Variants in MECOM observed in about 807,000 individuals in gnomAD.
The protein encoded by MECOM is histone-lysine N-methyltransferase MECOM.
In MECOM, 13 loss-of-function variants were observed where a neutral mutation model predicts 116.3. The ratio of observed to expected loss-of-function variants is 0.11; its 90% CI spans 0.07 to 0.18. MECOM has a LOEUF of 0.18. Among genes scored for constraint, MECOM ranks in the 10% least tolerant of loss-of-function variants. MECOM has a pLI of 1.00. For synonymous variants in MECOM, 528 were observed against 535.2 expected (o/e 0.99, Z 0.19); for missense variants, 1,299 against 1,509.0 (o/e 0.86, Z 2.31).
rs1415631608 is a variant in MECOM, at chr3:169,180,793, T to TTATATATATATATATATATATATA, written c.376-36962_376-36961insTATATATATATATATATATATATA. 1.2e-3 allele frequency among the ~76,000 whole-genome samples: 82 copies of TTATATATATATATATATATATATA among 71,150 alleles called. 7 individuals are homozygous for TTATATATATATATATATATATATA. Among genetic ancestry groups the TTATATATATATATATATATATATA allele is most frequent in the Middle Eastern group, 5.7e-3 (1 of 176 alleles). The allele number at this position is 71,150 out of a possible 152,430, so 46.7% of individuals were successfully genotyped here. A position where few individuals can be genotyped will look rare whatever the true frequency, so the allele number is the denominator to read the frequency against. On this transcript the variant is annotated intron_variant, in intron 2 of 16. Transcript: ENST00000651503. The stretch of plus-strand genomic sequence containing the variant: ...TTATGTATGTGTGTGTGTGTGGAGA[T>TTATATATATATATATATATATATA]GATATATATATATATATATATCAGG...
intron 1 of MECOM, among the ~76,000 whole-genome samples, chr3:169,451,504 G>GT (rs1190029437): frequency 2.0e-5 from 3 of 152,136 alleles, no homozygotes; most frequent in African/African-American, 7.2e-5. Flanking sequence ...ATGTTTACCT[G>GT]TTTGTTTAAC....
At chr3:169,145,613 G>C (rs910629695) in intron 2 of MECOM, 5 of 224,598 alleles carry the variant, frequency 2.2e-5, no homozygotes, top group African/African-American at 1.1e-4. Flanking sequence ...ATAGAATAAA[G>C]CCAGTGAAAT....
At chr3:169,608,412 A>G (rs1768848806) in intron 1 of MECOM, among the ~76,000 whole-genome samples, 1 of 152,176 alleles carries the variant, frequency 6.6e-6, no homozygotes, top group Non-Finnish European at 1.5e-5. Flanking sequence ...ATCTCGAGTC[A>G]GTAGGTTGGT....
At chr3:169,153,009 T>C (rs1050886278) in intron 2 of MECOM, among the ~76,000 whole-genome samples, 2 of 152,230 alleles carry the variant, frequency 1.3e-5, no homozygotes, top group African/African-American at 2.4e-5. Context: ...TTTTATTTTT[T>C]AAACTCCAGT....
chr3:169,221,875 C>G (rs1752179784), intron 2 of MECOM, among the ~76,000 whole-genome samples: 1 of 152,094 alleles, frequency 6.6e-6, no homozygotes, highest in South Asian at 2.1e-4. Flanking sequence ...CAGACTTCAG[C>G]TCTGTCACCA....
intron 9 of MECOM, among the ~76,000 whole-genome samples, chr3:169,109,015 T>C (rs1313136896): frequency 6.6e-6 from 1 of 152,172 alleles, no homozygotes; most frequent in Non-Finnish European, 1.5e-5. Flanking sequence ...AACCAAGGAA[T>C]AATAGCCACT....
chr3:169,104,876 AAACCATC>A (rs1724831596), intron 10 of MECOM, among the ~76,000 whole-genome samples: 1 of 152,228 alleles, frequency 6.6e-6, no homozygotes, highest in Non-Finnish European at 1.5e-5. Context: ...CGATTTGGGA[AAACCATC>A]AAGAAACAAG....
rs145240161 is a variant in MECOM, at chr3:169,528,098, C to G, written c.37+135238G>C. On this transcript the variant is annotated intron_variant, in intron 1 of 16. Transcript: ENST00000651503. ...AGACTTCCTCCTTTCGAGCAGTGGT[C>G]TATTTTCTGAGCCAAACCCCTTCAG... Among the ~76,000 whole-genome samples the G allele has an allele frequency of 5.4e-3, 830 of 152,296 alleles. 2 individuals are homozygous for G. The highest frequency in any genetic ancestry group is 9.2e-3 in the Non-Finnish European group (628 of 68,032).
intron 2 of MECOM, among the ~76,000 whole-genome samples, chr3:169,263,123 A>ACG (rs1757794247): frequency 5.1e-5 from 1 of 19,646 alleles, no homozygotes; most frequent in African/African-American, 2.4e-4. Flanking sequence ...ATATATATAT[A>ACG]TATATGTTTT....
intron 2 of MECOM, among the ~76,000 whole-genome samples, chr3:169,296,056 G>C (rs570898140): frequency 6.6e-6 from 1 of 152,282 alleles, no homozygotes; most frequent in East Asian, 1.9e-4. Flanking sequence ...CTCAAGAATA[G>C]GTTCCAGTAA....
chr3:169,276,362 G>A (rs1577556614), intron 2 of MECOM, among the ~76,000 whole-genome samples: 1 of 151,970 alleles, frequency 6.6e-6, no homozygotes, highest in East Asian at 1.9e-4. Context: ...GATCAGCCTG[G>A]CCAGAATGGT....
At chr3:169,270,554 G>C (rs576759710) in intron 2 of MECOM, among the ~76,000 whole-genome samples, 2 of 151,990 alleles carry the variant, frequency 1.3e-5, no homozygotes, top group African/African-American at 4.8e-5. Flanking sequence ...CTTTCAGAAA[G>C]CAAGAACAGA....
At chr3:169,630,397 A>C (rs1301828126) in intron 1 of MECOM, among the ~76,000 whole-genome samples, 1 of 151,202 alleles carries the variant, frequency 6.6e-6, no homozygotes, top group African/African-American at 2.4e-5. Flanking sequence ...TAATCCTCAC[A>C]AGTTATGGGG....
chr3:169,162,407 T>C (rs1742981200), intron 2 of MECOM, among the ~76,000 whole-genome samples: 1 of 152,110 alleles, frequency 6.6e-6, no homozygotes, highest in Non-Finnish European at 1.5e-5. Flanking sequence ...CTGTACGTCA[T>C]TAAGTACTAA....
At position 169,102,094 on chromosome 3, in the gene MECOM, G is replaced by A. The variant is rs1723753567; in HGVS notation, c.2737C>T (p.Leu913Phe). Residue 913 changes from leucine to phenylalanine, a missense_variant, in exon 11 of 17, where the codon CTT (leucine) becomes TTT (phenylalanine). By Grantham distance (22) the Leu-to-Phe change is conservative. Transcript: ENST00000651503. ...TAGCGCTCCTTTCCCTTCCGCAGAA[G>A]GTTCTCTGGCAGGGCATTGGGAGGC... Reference protein sequence around the residue: ...RAPPNALPENLLRKGKERYTC... With the variant: ...RAPPNALPENFLRKGKERYTC... The A allele has an allele frequency of 1.2e-6, 2 of 1,613,500 alleles. No individual in the cohort carries two copies. The highest frequency in any genetic ancestry group is 2.2e-5 in the East Asian group (1 of 44,882).
chr3:169,253,645 T>A (rs972158721), intron 2 of MECOM, among the ~76,000 whole-genome samples: 3 of 152,148 alleles, frequency 2.0e-5, no homozygotes, highest in Non-Finnish European at 4.4e-5. Flanking sequence ...CTATATATAC[T>A]TCATATGATT....
chr3:169,502,743 T>C (rs1754685415), intron 1 of MECOM, among the ~76,000 whole-genome samples: 2 of 152,146 alleles, frequency 1.3e-5, no homozygotes, highest in Non-Finnish European at 2.9e-5. Flanking sequence ...TAATTTGTCC[T>C]CAGGAAGAAA....
At chr3:169,353,813 T>C (rs1274541714) in intron 2 of MECOM, among the ~76,000 whole-genome samples, 1 of 151,922 alleles carries the variant, frequency 6.6e-6, no homozygotes, top group Non-Finnish European at 1.5e-5. Flanking sequence ...TGACATGTTG[T>C]GAAGCTAGTT....
chr3:169,624,182 T>G (rs1270395379), intron 1 of MECOM, among the ~76,000 whole-genome samples: 1 of 152,192 alleles, frequency 6.6e-6, no homozygotes, highest in Non-Finnish European at 1.5e-5. Context: ...TGCCCTTCAC[T>G]TAACACCTTT....
Sources: allele counts gnomAD v4.1 joint callset (sites outside exome capture counted in the v4.1 genomes callset), GRCh38; gene constraint gnomAD v4.1.1; transcripts MANE v1.5; gene names NCBI Gene and HGNC (gene_info 2026-07-23, HGNC 2026-07-21).